AHCY: variants seen among roughly 807,000 people sequenced by gnomAD.
AHCY encodes S-adenosyl-L-homocysteine hydrolase.
A neutral mutation model predicts 45.4 loss-of-function variants in AHCY; 24 were observed. That is an observed-to-expected ratio of 0.53 (90% CI 0.38 to 0.74). The LOEUF (loss-of-function observed/expected upper bound fraction) is 0.74, where lower values mean the gene tolerates loss of function less well. Ranked by LOEUF, AHCY falls within the 30% of genes least tolerant of loss-of-function variation. The pLI is 0.00. For synonymous variants in AHCY, 245 were observed against 235.1 expected (o/e 1.04, Z -0.39); for missense variants, 449 against 594.1 (o/e 0.76, Z 2.54).
the AHCY span, among the ~76,000 whole-genome samples, chr20:34,250,436 G>A: frequency 6.6e-6 from 1 of 152,242 alleles, no homozygotes; most frequent in East Asian, 1.9e-4. Context: ...GAGTGGCTGA[G>A]GCAGGAGGAT....
chr20:34,275,206 C>T, the AHCY span, among the ~76,000 whole-genome samples: 1 of 149,594 alleles, frequency 6.7e-6, no homozygotes, highest in African/African-American at 2.5e-5. Flanking sequence ...GATCTCCGCT[C>T]ACTGCAACCT....
At chr20:34,289,047 A>C (rs1208912236) in intron 8 of AHCY, among the ~76,000 whole-genome samples, 1 of 151,796 alleles carries the variant, frequency 6.6e-6, no homozygotes, top group Non-Finnish European at 1.5e-5. Flanking sequence ...TCTGTTGCCC[A>C]GGCTGGAGTG....
At position 34,292,452 on chromosome 20, in the gene AHCY, G is replaced by A. The variant is rs761681773; in HGVS notation, c.351C>T (p.Thr117=). 6.2e-7 allele frequency: 1 copy of A among 1,614,100 alleles called. No homozygotes were observed. The highest frequency in any genetic ancestry group is 1.7e-5 in the Admixed American group (1 of 60,028). Residue 117 remains threonine (T), a synonymous_variant, in exon 4 of 10, where the codon ACC becomes ACT. Coordinates refer to ENST00000217426, the MANE Select transcript of AHCY (RefSeq NM_000687.4). ...DEEYLWCIEQ[T]LYFKDGPLNM... is the part of the protein sequence containing the mutation. The stretch of plus-strand genomic sequence containing the variant: ...TGAGGGGCCCGTCCTTGAAGTACAG[G>A]GTCTGCTCAATGCACCACAGGTACT...
the AHCY span, among the ~76,000 whole-genome samples, chr20:34,233,143 CTTTTTTT>C: frequency 4.0e-5 from 4 of 100,316 alleles, no homozygotes; most frequent in Non-Finnish European, 7.5e-5. Context: ...GGGACAAGAG[CTTTTTTT>C]TTTTTTTTTT....
chr20:34,268,551 G>A, the AHCY span, among the ~76,000 whole-genome samples: 6 of 152,056 alleles, frequency 3.9e-5, no homozygotes, highest in East Asian at 7.7e-4. Context: ...GTGAGACCCC[G>A]TCTATAAAAA....
chr20:34,285,323 C>CAT, intron 9 of AHCY, 117 bp downstream of exon 9: 1 of 1,119,612 alleles, frequency 8.9e-7, no homozygotes, highest in Non-Finnish European at 1.3e-6. Context: ...TAGAGGACCC[C>CAT]ATGAGGGCCT....
chr20:34,269,921 G>A, the AHCY span, among the ~76,000 whole-genome samples: 4 of 126,614 alleles, frequency 3.2e-5, no homozygotes, highest in Admixed American at 3.5e-4. Flanking sequence ...TCCAGCCTGG[G>A]CAACAAGAGC....
the AHCY span, among the ~76,000 whole-genome samples, chr20:34,235,931 C>G: frequency 0.014 from 696 of 49,296 alleles, 224 homozygotes; most frequent in African/African-American, 0.17. Context: ...AGGAAGGAAG[C>G]GGGAGGGAGG....
the AHCY span, among the ~76,000 whole-genome samples, chr20:34,254,060 G>C: frequency 6.6e-6 from 1 of 151,374 alleles, no homozygotes; most frequent in Admixed American, 6.6e-5. Context: ...TTTTTGTTTT[G>C]TTTTGTTTCG....
intron 1 of AHCY, among the ~76,000 whole-genome samples, chr20:34,309,695 C>T (rs946773224): frequency 5.9e-5 from 9 of 152,034 alleles, no homozygotes; most frequent in African/African-American, 1.7e-4. Flanking sequence ...GCAGGAGAAT[C>T]GCTTGAACCC....
chr20:34,281,215 C>A (rs367780314), intron 9 of AHCY, 50 bp from the exon 10 acceptor site: 36 of 1,609,284 alleles, frequency 2.2e-5, no homozygotes, highest in Non-Finnish European at 3.1e-5. Context: ...TTCTGGGACC[C>A]CTACACGCGT....
the AHCY span, among the ~76,000 whole-genome samples, chr20:34,251,516 C>T: frequency 2.6e-5 from 4 of 152,058 alleles, no homozygotes; most frequent in African/African-American, 4.8e-5. Context: ...CCTCGTGATC[C>T]GTCCGCCTCG....
intron 8 of AHCY, among the ~76,000 whole-genome samples, chr20:34,289,967 C>T (rs938000361): frequency 2.0e-5 from 3 of 152,162 alleles, no homozygotes; most frequent in East Asian, 1.9e-4. Flanking sequence ...CCCCACATGC[C>T]GTCCATCCAC....
chr20:34,304,128 C>T (rs980573795), upstream of AHCY, among the ~76,000 whole-genome samples: 4 of 152,216 alleles, frequency 2.6e-5, no homozygotes, highest in African/African-American at 9.7e-5. Flanking sequence ...ACTTTTACTG[C>T]ATCCGTATAT....
At chr20:34,232,951 G>A in the AHCY span, among the ~76,000 whole-genome samples, 2 of 152,100 alleles carry the variant, frequency 1.3e-5, no homozygotes, top group African/African-American at 4.8e-5. Context: ...AACATTAACT[G>A]TTCCCTACCT....
chr20:34,306,367 CT>C (rs2036896269), upstream of AHCY, among the ~76,000 whole-genome samples: 1 of 85,978 alleles, frequency 1.2e-5, no homozygotes. Context: ...ATTATTTCAG[CT>C]TCTTTTTTTT....
chr20:34,291,574 T>C (rs763798277), intron 4 of AHCY, 43 bp from the exon 5 acceptor site: 1 of 1,539,630 alleles, frequency 6.5e-7, no homozygotes, highest in Admixed American at 1.7e-5. Flanking sequence ...ATGCCACACC[T>C]GTGCTCATGC....
chr20:34,255,585 A>T, the AHCY span, among the ~76,000 whole-genome samples: 1 of 152,252 alleles, frequency 6.6e-6, no homozygotes, highest in Non-Finnish European at 1.5e-5. Context: ...TTATATATGA[A>T]TATCATTAAT....
At chr20:34,258,700 A>ATATATATATATATATATATACACACATAC in the AHCY span, among the ~76,000 whole-genome samples, 246 of 77,910 alleles carry the variant, frequency 3.2e-3, 25 homozygotes, top group South Asian at 7.9e-3. Context: ...TACATACTAT[A>ATATATATATATATATATATACACACATAC]TATATATATT....
Sources: gnomAD v4.1 joint callset for allele counts (sites outside exome capture counted in the v4.1 genomes callset) on GRCh38, gnomAD v4.1.1 for gene constraint, MANE v1.5 for transcripts, NCBI Gene and HGNC (gene_info 2026-07-23, HGNC 2026-07-21) for gene names.